CPS1: variants seen among roughly 807,000 people sequenced by gnomAD.
The protein encoded by CPS1 is carbamoyl-phosphate synthase 1, also known as carbamoyl-phosphate synthase [ammonia], mitochondrial.
A neutral mutation model predicts 174.6 loss-of-function variants in CPS1; 109 were observed. The observed-to-expected ratio is 0.62, with a 90% CI of 0.53 to 0.73. The LOEUF (loss-of-function observed/expected upper bound fraction) is 0.73. Ranked by LOEUF, CPS1 falls within the 30% of genes least tolerant of loss-of-function variation. The pLI is 0.00. For missense variants in CPS1, 1,689 were observed against 1,821.9 expected (o/e 0.93, Z 1.33); for synonymous variants, 637 against 632.0 (o/e 1.01, Z -0.12).
chr2:210,587,022 T>G (rs1387398736), intron 6 of CPS1, among the ~76,000 whole-genome samples: 1 of 152,040 alleles, frequency 6.6e-6, no homozygotes, highest in Non-Finnish European at 1.5e-5. Flanking sequence ...AGATTACCTG[T>G]GACATTCAAT....
At chr2:210,675,237 T>C (rs1328799917) in intron 35 of CPS1, among the ~76,000 whole-genome samples, 1 of 152,214 alleles carries the variant, frequency 6.6e-6, no homozygotes, top group Non-Finnish European at 1.5e-5. Context: ...CATTTCCATA[T>C]GTTTTTCCTT....
intron 34 of CPS1, among the ~76,000 whole-genome samples, 179 bp downstream of exon 34, chr2:210,668,463 G>A (rs1701179482): frequency 1.3e-5 from 2 of 152,126 alleles, no homozygotes. Flanking sequence ...GCCTTCTGTT[G>A]TATCAGCCCG....
At chr2:210,675,986 T>C in intron 36 of CPS1, 146 bp downstream of exon 36, 4 of 685,316 alleles carry the variant, frequency 5.8e-6, no homozygotes, top group Non-Finnish European at 1.1e-5. Context: ...CAAGTTTCAC[T>C]CTCCATCACT....
At chr2:210,548,549 G>T (rs1365700911) in intron 1 of CPS1, among the ~76,000 whole-genome samples, 2 of 151,880 alleles carry the variant, frequency 1.3e-5, no homozygotes, top group Non-Finnish European at 2.9e-5. Context: ...AACACTCAAA[G>T]GCATGTCAGG....
At chr2:210,613,429 T>TTTTC (rs1699196217) in intron 20 of CPS1, among the ~76,000 whole-genome samples, 1 of 151,936 alleles carries the variant, frequency 6.6e-6, no homozygotes, top group Admixed American at 6.6e-5. Context: ...TCAAGGTAAT[T>TTTTC]AGAATTTTTC....
At chr2:210,484,950 C>T (rs928525163) in intron 1 of CPS1, among the ~76,000 whole-genome samples, 8 of 151,926 alleles carry the variant, frequency 5.3e-5, no homozygotes, top group African/African-American at 1.9e-4. Flanking sequence ...AGATCTTGGC[C>T]AGGCATGGTG....
At chr2:210,555,647 G>T (rs1696890605), upstream of CPS1, 1 of 455,426 alleles carries the variant, frequency 2.2e-6, no homozygotes, top group Non-Finnish European at 4.4e-6. Flanking sequence ...GTTATGAGAA[G>T]ACCTAGGTAT....
At chr2:210,499,813 C>T (rs2105961315) in intron 1 of CPS1, among the ~76,000 whole-genome samples, 1 of 152,190 alleles carries the variant, frequency 6.6e-6, no homozygotes, top group Admixed American at 6.5e-5. Flanking sequence ...ACATTGTCAG[C>T]CAGATGCCAT....
intron 1 of CPS1, among the ~76,000 whole-genome samples, chr2:210,515,459 T>C (rs1296739695): frequency 6.6e-6 from 1 of 151,722 alleles, no homozygotes; most frequent in Non-Finnish European, 1.5e-5. Flanking sequence ...GGAATTTATG[T>C]GTTTCCTCTA....
At chr2:210,524,486 C>G (rs1462532460) in intron 1 of CPS1, among the ~76,000 whole-genome samples, 4 of 151,938 alleles carry the variant, frequency 2.6e-5, no homozygotes, top group Non-Finnish European at 5.9e-5. Context: ...CAAAGTAGGA[C>G]TATAATTAAG....
At chr2:210,648,866 G>C (rs983425467) in intron 27 of CPS1, among the ~76,000 whole-genome samples, 1 of 152,178 alleles carries the variant, frequency 6.6e-6, no homozygotes, top group African/African-American at 2.4e-5. Context: ...TCTCGCCAGC[G>C]TGTTTTCTGA....
rs544805806 is a variant in CPS1, at chr2:210,591,041, AAAATAAAT to A, written c.947+159_947+166del. The A allele has an allele frequency of 3.7e-3, 944 of 257,958 alleles. 8 individuals carry two copies. The highest frequency in any genetic ancestry group is 0.019 in the African/African-American group (814 of 42,902). The allele number at this position is 257,958 out of a possible 1,614,324, so 16.0% of individuals were successfully genotyped here. On this transcript the variant is annotated intron_variant, in intron 9 of 37. Transcript: ENST00000233072. ...GTACCCTAAAACTTAAAGTATAATAAAAATAAATAAATAAATAAATAAATAAATAAAAT... is the reference window on the plus strand; with the variant it reads ...GTACCCTAAAACTTAAAGTATAATAAAAATAAATAAATAAATAAATAAAAT...
chr2:210,613,982 A>T (rs1235266781), intron 20 of CPS1, among the ~76,000 whole-genome samples: 2 of 151,930 alleles, frequency 1.3e-5, no homozygotes, highest in East Asian at 3.9e-4. Flanking sequence ...GGGGAAAAAG[A>T]ATGAAGGGAG....
intron 16 of CPS1, among the ~76,000 whole-genome samples, chr2:210,602,733 A>T (rs1353956833): frequency 2.0e-5 from 3 of 151,970 alleles, no homozygotes; most frequent in Non-Finnish European, 4.4e-5. Context: ...ATTTTTTAGA[A>T]ATAATGTGGC....
chr2:210,676,019 T>C (rs538198546), intron 36 of CPS1, among the ~76,000 whole-genome samples, 179 bp downstream of exon 36: 1 of 151,310 alleles, frequency 6.6e-6, no homozygotes, highest in South Asian at 2.1e-4. Context: ...ACGTCATGTG[T>C]ACATGGTGAT....
intron 25 of CPS1, among the ~76,000 whole-genome samples, chr2:210,644,920 A>T (rs188357062): frequency 6.6e-6 from 1 of 151,464 alleles, no homozygotes; most frequent in African/African-American, 2.4e-5. Context: ...AGCTTAATGG[A>T]ATTTTGGGCC....
At chr2:210,527,390 T>C (rs1305728862) in intron 1 of CPS1, among the ~76,000 whole-genome samples, 1 of 151,950 alleles carries the variant, frequency 6.6e-6, no homozygotes, top group Non-Finnish European at 1.5e-5. Flanking sequence ...ATCTAAGAGA[T>C]CACCTAGTCT....
At chr2:210,647,123 G>A (rs1229121991) in intron 25 of CPS1, among the ~76,000 whole-genome samples, 1 of 152,040 alleles carries the variant, frequency 6.6e-6, no homozygotes, top group African/African-American at 2.4e-5. Context: ...CAAGGAGAGG[G>A]GAAGGTGGAA....
intron 1 of CPS1, among the ~76,000 whole-genome samples, chr2:210,570,878 G>C (rs995929282): frequency 2.0e-5 from 3 of 151,810 alleles, no homozygotes; most frequent in African/African-American, 7.2e-5. Context: ...CTTCTATTCA[G>C]ACCCATTAGC....
Sources: allele counts gnomAD v4.1 joint callset (sites outside exome capture counted in the v4.1 genomes callset), GRCh38; gene constraint gnomAD v4.1.1; transcripts MANE v1.5; gene names NCBI Gene and HGNC (gene_info 2026-07-23, HGNC 2026-07-21).